CTNNA2: variants seen among roughly 807,000 people sequenced by gnomAD.
CTNNA2 encodes the protein catenin alpha-2.
In CTNNA2, 42 loss-of-function variants were observed where a neutral mutation model predicts 101.0. The ratio of observed to expected loss-of-function variants is 0.42; its 90% confidence interval spans 0.32 to 0.54. CTNNA2 has a LOEUF of 0.54. Among genes scored for constraint, CTNNA2 ranks in the 20% least tolerant of loss-of-function variants. The pLI is 0.14. For synonymous variants in CTNNA2, 450 were observed against 456.4 expected, an observed-to-expected ratio of 0.99 and a Z score of 0.18; for missense variants, 871 against 1,223.1, an observed-to-expected ratio of 0.71 and a Z score of 4.29.
intron 1 of CTNNA2, among the ~76,000 whole-genome samples, chr2:79,586,394 G>T (rs928596035): frequency 7.2e-5 from 11 of 152,016 alleles, no homozygotes; most frequent in African/African-American, 1.2e-4. Flanking sequence ...TTATTTCTCC[G>T]CTCGGCCTCT....
At chr2:80,216,003 A>G (rs1005618592) in intron 7 of CTNNA2, among the ~76,000 whole-genome samples, 2 of 152,144 alleles carry the variant, frequency 1.3e-5, no homozygotes, top group African/African-American at 2.4e-5. Context: ...TTGCAGTTCT[A>G]TCTCAGACTG....
chr2:79,554,203 A>G (rs1366450333), intron 1 of CTNNA2, among the ~76,000 whole-genome samples: 1 of 152,034 alleles, frequency 6.6e-6, no homozygotes, highest in East Asian at 1.9e-4. Context: ...ATGGCACATG[A>G]AACCTTTTTT....
chr2:79,744,553 T>A lies in CTNNA2; in HGVS notation c.269T>A (p.Val90Glu). ...KESQDLKEEL[V>E]AAVEDVRKQG... ...AGTCAAGATCTCAAAGAAGAGTTGGTGGCTGCTGTAGAGGATGTGCGCAAA... is the reference window on the plus strand; with the variant it reads ...AGTCAAGATCTCAAAGAAGAGTTGGAGGCTGCTGTAGAGGATGTGCGCAAA... Residue 90 changes from valine (V) to glutamate (E), a missense_variant, in exon 3 of 19, where the codon GTG becomes GAG. Physicochemically the swap from Val to Glu is moderately radical, Grantham distance 121. This residue lies in a region of CTNNA2 where 647 missense variants were observed against 831.5 expected (regional missense o/e 0.78). Coordinates refer to ENST00000402739, the MANE Select transcript of CTNNA2 (RefSeq NM_001282597.3). The A allele has an allele frequency of 6.2e-7, 1 of 1,613,964 alleles. No homozygotes were observed. Among genetic ancestry groups the A allele is most frequent in the Non-Finnish European group, 8.5e-7 (1 of 1,179,892 alleles).
chr2:79,933,819 C>A (rs1047916351), intron 7 of CTNNA2, among the ~76,000 whole-genome samples: 4 of 152,162 alleles, frequency 2.6e-5, no homozygotes, highest in Non-Finnish European at 5.9e-5. Flanking sequence ...TAAAATGTTT[C>A]TGTGCTTCAT....
intron 7 of CTNNA2, among the ~76,000 whole-genome samples, chr2:80,217,888 C>T (rs1243082380): frequency 6.6e-6 from 1 of 152,164 alleles, no homozygotes; most frequent in Non-Finnish European, 1.5e-5. Context: ...TTGAAAACCT[C>T]TGCATAGGCC....
At chr2:80,494,807 C>T (rs1006826570) in intron 9 of CTNNA2, among the ~76,000 whole-genome samples, 1 of 137,112 alleles carries the variant, frequency 7.3e-6, no homozygotes, top group African/African-American at 2.8e-5. Context: ...TTACTTAACT[C>T]ATTAATGAGG....
At chr2:80,589,920 G>A (rs1232844179) in intron 15 of CTNNA2, among the ~76,000 whole-genome samples, 1 of 151,220 alleles carries the variant, frequency 6.6e-6, no homozygotes, top group African/African-American at 2.4e-5. Flanking sequence ...GCGCGCGCAT[G>A]TATACATATA....
intron 2 of CTNNA2, among the ~76,000 whole-genome samples, chr2:79,205,455 C>G (rs1175635231): frequency 6.6e-6 from 1 of 152,076 alleles, no homozygotes; most frequent in Non-Finnish European, 1.5e-5. Flanking sequence ...TTAGAACAGC[C>G]CCTTTGAGAG....
At chr2:80,328,214 T>G in intron 7 of CTNNA2, 1 of 461,906 alleles carries the variant, frequency 2.2e-6, no homozygotes, top group South Asian at 1.6e-5. Context: ...TTTTTTGGGT[T>G]TTGTCATTAT....
chr2:80,600,233 A>C (rs1389949906), intron 15 of CTNNA2, among the ~76,000 whole-genome samples: 2 of 152,052 alleles, frequency 1.3e-5, no homozygotes, highest in African/African-American at 4.8e-5. Flanking sequence ...TTAATATCTA[A>C]ATATAAAAAG....
intron 2 of CTNNA2, among the ~76,000 whole-genome samples, chr2:79,222,260 T>C (rs1197723048): frequency 6.6e-6 from 1 of 152,220 alleles, no homozygotes; most frequent in Non-Finnish European, 1.5e-5. Context: ...ATGAAATGTG[T>C]GTTGTCAAAT....
At chr2:80,359,023 A>AT (rs1212212291) in intron 7 of CTNNA2, among the ~76,000 whole-genome samples, 1 of 151,978 alleles carries the variant, frequency 6.6e-6, no homozygotes, top group African/African-American at 2.4e-5. Flanking sequence ...ATTTTTATTG[A>AT]TTTTTTGACT....
intron 9 of CTNNA2, among the ~76,000 whole-genome samples, chr2:80,421,736 G>C (rs967796821): frequency 6.6e-6 from 1 of 151,648 alleles, no homozygotes; most frequent in Non-Finnish European, 1.5e-5. Context: ...GAGATACAGG[G>C]GCTAGTGTGT....
At chr2:79,626,185 C>G (rs187595731) in intron 1 of CTNNA2, among the ~76,000 whole-genome samples, 43 of 152,278 alleles carry the variant, frequency 2.8e-4, no homozygotes, top group African/African-American at 1.0e-3. Context: ...TAATAGAACA[C>G]AGCAAGTGGC....
intron 7 of CTNNA2, among the ~76,000 whole-genome samples, chr2:80,073,714 C>CCT (rs139620704): frequency 7.5e-6 from 1 of 134,182 alleles, no homozygotes; most frequent in African/African-American, 2.9e-5. Context: ...ATAAAACAAA[C>CCT]CTCTCTCTCT....
intron 7 of CTNNA2, among the ~76,000 whole-genome samples, chr2:80,023,359 A>G (rs1039757599): frequency 1.3e-5 from 2 of 152,194 alleles, no homozygotes; most frequent in Non-Finnish European, 2.9e-5. Context: ...TTTCTGTTCT[A>G]CAAAGTGTGT....
chr2:80,644,401 G>T (rs1673835037), intron 18 of CTNNA2, among the ~76,000 whole-genome samples: 1 of 152,076 alleles, frequency 6.6e-6, no homozygotes. Flanking sequence ...AGTCACAAAA[G>T]AGAATGCAAC....
At chr2:79,533,813 A>C (rs1459907923) in intron 1 of CTNNA2, among the ~76,000 whole-genome samples, 2 of 151,912 alleles carry the variant, frequency 1.3e-5, no homozygotes, top group Non-Finnish European at 2.9e-5. Flanking sequence ...AATAGCCCAA[A>C]GAGGAAACAA....
intron 2 of CTNNA2, among the ~76,000 whole-genome samples, chr2:79,675,253 G>T (rs1683104698): frequency 6.6e-6 from 1 of 152,190 alleles, no homozygotes; most frequent in South Asian, 2.1e-4. Flanking sequence ...TGTAATAATG[G>T]AGAGAATTGG....
Sources: gnomAD v4.1 joint callset for allele counts (sites outside exome capture counted in the v4.1 genomes callset) on GRCh38, gnomAD v4.1.1 for gene constraint, gnomAD v4.1.1 regional missense constraint, MANE v1.5 for transcripts, NCBI Gene and HGNC (gene_info 2026-07-23, HGNC 2026-07-21) for gene names.